PCDHGA2: variants seen among roughly 807,000 people sequenced by gnomAD.
The protein encoded by PCDHGA2 is protocadherin gamma subfamily A, 2.
A neutral mutation model predicts 59.2 loss-of-function variants in PCDHGA2; 40 were observed. The ratio of observed to expected loss-of-function variants is 0.68; its 90% CI spans 0.52 to 0.88. The LOEUF is 0.88. Ranked by LOEUF, PCDHGA2 falls within the 40% of genes least tolerant of loss-of-function variation. The pLI, the probability that PCDHGA2 is intolerant of heterozygous loss-of-function variation, is 0.00. For synonymous variants in PCDHGA2, 560 were observed against 526.0 expected, an observed-to-expected ratio of 1.06 and a Z score of -0.89; for missense variants, 1,226 against 1,204.0, an observed-to-expected ratio of 1.02 and a Z score of -0.27.
chr5:141,362,333 C>G, intron 1 of PCDHGA2: 1 of 1,614,070 alleles, frequency 6.2e-7, no homozygotes, highest in Non-Finnish European at 8.5e-7. Context: ...GGTCTCAGCT[C>G]CAAGCCTGGA....
Position 141,477,763 on chromosome 5 carries a change from C to G in PCDHGA2, c.2425-17044C>G, listed in dbSNP as rs763322593. The G allele has an allele frequency of 6.2e-7, 1 of 1,614,012 alleles. No homozygotes were observed. Among genetic ancestry groups the G allele is most frequent in the Non-Finnish European group, 8.5e-7 (1 of 1,180,032 alleles). Reference sequence around the variant, plus strand: ...ATGGGGGCACCCCGGTCCTAGCCACCAACATCAGCGTGAACATATTTGTCA... The same window carrying G: ...ATGGGGGCACCCCGGTCCTAGCCACGAACATCAGCGTGAACATATTTGTCA... On this transcript the variant is annotated intron_variant, in intron 1 of 3. Transcript: ENST00000394576. This position sits in a 1 kb window ranked among gnomAD's most constrained non-coding sequence, Gnocchi z 4.9.
chr5:141,419,794 T>C (rs368369787), intron 1 of PCDHGA2: 54 of 1,613,930 alleles, frequency 3.3e-5, no homozygotes, highest in Non-Finnish European at 4.5e-5. Flanking sequence ...TGCTAGTCGC[T>C]GTAAGAGATG....
At chr5:141,466,974 C>G (rs1314224956) in intron 1 of PCDHGA2, among the ~76,000 whole-genome samples, 1 of 151,944 alleles carries the variant, frequency 6.6e-6, no homozygotes, top group Non-Finnish European at 1.5e-5. Context: ...TCTCACAGCT[C>G]ATCATTTACC....
At chr5:141,421,483 A>C in intron 1 of PCDHGA2, 4 of 1,614,128 alleles carry the variant, frequency 2.5e-6, no homozygotes, top group Non-Finnish European at 3.4e-6. Context: ...CGGCAGCTTG[A>C]TCACGGCAGG....
intron 1 of PCDHGA2, among the ~76,000 whole-genome samples, chr5:141,465,911 A>G (rs540115471): frequency 6.6e-6 from 1 of 152,260 alleles, no homozygotes; most frequent in East Asian, 1.9e-4. Context: ...TCACGAGGTC[A>G]GGATTTCGAG....
intron 1 of PCDHGA2, chr5:141,421,801 A>G (rs754191783): frequency 6.2e-7 from 1 of 1,613,858 alleles, no homozygotes; most frequent in Middle Eastern, 1.6e-4. Flanking sequence ...TGGGGCCAAG[A>G]ATCCAGAGCT....
chr5:141,471,630 G>T (rs2099261496), intron 1 of PCDHGA2: 1 of 152,108 alleles, frequency 6.6e-6, no homozygotes, highest in African/African-American at 2.4e-5. Context: ...GCATTGGTAT[G>T]GATTAGTAAT....
chr5:141,369,009 CT>C (rs1295175926), intron 1 of PCDHGA2, among the ~76,000 whole-genome samples: 2 of 152,148 alleles, frequency 1.3e-5, no homozygotes, highest in African/African-American at 4.8e-5. Context: ...GAACTCATTG[CT>C]TATTGCTGCA....
At chr5:141,420,334 T>A in intron 1 of PCDHGA2, 1 of 1,402,910 alleles carries the variant, frequency 7.1e-7, no homozygotes, top group Non-Finnish European at 9.5e-7. Context: ...TATATTCCAA[T>A]ATAGTGGTAT....
intron 1 of PCDHGA2, chr5:141,388,688 C>T: frequency 6.2e-7 from 1 of 1,613,970 alleles, no homozygotes; most frequent in Non-Finnish European, 8.5e-7. Context: ...CTGCCACGGA[C>T]CAGGATGAGG....
At chr5:141,495,591 C>G (rs2099762279) in intron 2 of PCDHGA2, among the ~76,000 whole-genome samples, 3 of 152,222 alleles carry the variant, frequency 2.0e-5, no homozygotes, top group African/African-American at 7.2e-5. Context: ...CCATCTCTGT[C>G]TTAGCTTCCG....
chr5:141,457,701 G>A (rs1341216514), intron 1 of PCDHGA2, among the ~76,000 whole-genome samples: 1 of 152,222 alleles, frequency 6.6e-6, no homozygotes, highest in Admixed American at 6.5e-5. Context: ...TGGCTTTGAT[G>A]AAACACTGTT....
At chr5:141,371,158 T>C in intron 1 of PCDHGA2, 1 of 1,614,040 alleles carries the variant, frequency 6.2e-7, no homozygotes, top group Non-Finnish European at 8.5e-7. Context: ...GCAGAGAACC[T>C]GCCCGCTGGC....
chr5:141,491,980 C>A lies in PCDHGA2; in HGVS notation c.2425-2827C>A. On this transcript the variant is annotated intron_variant, in intron 1 of 3. Coordinates refer to ENST00000394576, the MANE Select transcript of PCDHGA2 (RefSeq NM_018915.4). This position sits in a 1 kb window ranked among gnomAD's most constrained non-coding sequence, Gnocchi z 6.9. ...AAAAAAGGCCGGGGCCTCCTTCGAGCTTCCGGTGAATTTCGGGCGATTTCC... is the reference window on the plus strand; with the variant it reads ...AAAAAAGGCCGGGGCCTCCTTCGAGATTCCGGTGAATTTCGGGCGATTTCC... 1.3e-6 allele frequency: 1 copy of A among 784,426 alleles called. No homozygotes were observed. Among genetic ancestry groups the A allele is most frequent in the Non-Finnish European group, 1.9e-6 (1 of 530,582 alleles). The allele number at this position is 784,426 out of a possible 1,614,324, so 48.6% of individuals were successfully genotyped here.
At chr5:141,413,822 T>G in intron 1 of PCDHGA2, 1 of 1,613,216 alleles carries the variant, frequency 6.2e-7, no homozygotes, top group Non-Finnish European at 8.5e-7. Context: ...CACCTGGTCC[T>G]CACCGCCTCC....
intron 1 of PCDHGA2, chr5:141,351,807 T>C: frequency 1.9e-6 from 3 of 1,613,300 alleles, no homozygotes; most frequent in Non-Finnish European, 2.5e-6. Context: ...CAGCGCGCCT[T>C]CGACCACGAG....
Position 141,399,408 on chromosome 5 carries a change from C to G in PCDHGA2, c.2424+58013C>G, listed in dbSNP as rs373563586. On this transcript the variant is annotated intron_variant, in intron 1 of 3. Coordinates refer to ENST00000394576, the MANE Select transcript of PCDHGA2 (RefSeq NM_018915.4). ...CAGCCACAGACAGGGGCAAGCCGCC[C>G]CTCTCCTCCAGCATAAGCGTCATCC... 20 of 1,613,888 alleles carry G rather than the reference C, an allele frequency of 1.2e-5. No individual in the cohort carries two copies. In the East Asian group the frequency reaches 3.8e-4, roughly 31 times the overall value.
chr5:141,365,280 TG>T, intron 1 of PCDHGA2: 2 of 1,614,018 alleles, frequency 1.2e-6, no homozygotes. Flanking sequence ...TTCTACCTCA[TG>T]GAAGTGGTAG....
chr5:141,400,145 A>T (rs543908773), intron 1 of PCDHGA2: 6 of 1,613,314 alleles, frequency 3.7e-6, no homozygotes, highest in Non-Finnish European at 4.2e-6. Flanking sequence ...GATATCACTG[A>T]CCGCCCTGTA....
Sources: gnomAD v4.1 joint callset for allele counts (sites outside exome capture counted in the v4.1 genomes callset) on GRCh38, gnomAD v4.1.1 for gene constraint, Gnocchi (gnomAD v3.1) non-coding constraint, MANE v1.5 for transcripts, NCBI Gene and HGNC (gene_info 2026-07-23, HGNC 2026-07-21) for gene names.